Variants in N4BP2 observed in about 807,000 individuals in gnomAD.
N4BP2 encodes NEDD4 binding protein 2.
In N4BP2, 91 loss-of-function variants were observed where a neutral mutation model predicts 152.8. That is an observed-to-expected ratio of 0.60 (90% CI 0.50 to 0.71). N4BP2 has a LOEUF of 0.71. Ranked by LOEUF, N4BP2 falls within the 30% of genes least tolerant of loss-of-function variation. N4BP2 has a pLI of 0.00. For missense variants in N4BP2, 1,923 were observed against 2,059.1 expected (o/e 0.93, Z 1.28); for synonymous variants, 646 against 705.3 (o/e 0.92, Z 1.33).
At chr4:40,145,126 A>C (rs1347876429) in intron 16 of N4BP2, among the ~76,000 whole-genome samples, 2 of 152,188 alleles carry the variant, frequency 1.3e-5, no homozygotes, top group African/African-American at 4.8e-5. Flanking sequence ...TATTAAACTT[A>C]ATTGATATTT....
At position 40,120,822 on chromosome 4, in the gene N4BP2, G is replaced by C; in HGVS notation, c.2711G>C (p.Gly904Ala). The part of the protein sequence containing the change: ...REHRSRMPKT[G>A]LSEPNLEIGT... Reference sequence around the variant, plus strand: ...CACAGATCAAGAATGCCAAAGACTGGTTTAAGTGAGCCCAACCTAGAAATT... The same window carrying C: ...CACAGATCAAGAATGCCAAAGACTGCTTTAAGTGAGCCCAACCTAGAAATT... The change falls in exon 9 of 18, where the codon GGT (glycine) becomes GCT (alanine). Residue 904 changes from glycine to alanine, a missense_variant. Physicochemically the swap from Gly to Ala is moderately conservative, Grantham distance 60 (BLOSUM62 0). Coordinates refer to ENST00000261435, the MANE Select transcript of N4BP2 (RefSeq NM_018177.6). The C allele has an allele frequency of 6.2e-7, 1 of 1,614,134 alleles. No individual in the cohort carries two copies. Among genetic ancestry groups the C allele is most frequent in the Non-Finnish European group, 8.5e-7 (1 of 1,180,008 alleles).
At chr4:40,182,193 T>C in the N4BP2 span, among the ~76,000 whole-genome samples, 1 of 152,232 alleles carries the variant, frequency 6.6e-6, no homozygotes, top group African/African-American at 2.4e-5. Flanking sequence ...AACAGTGTTT[T>C]ACCTTGCATA....
the N4BP2 span, among the ~76,000 whole-genome samples, chr4:40,185,600 CTT>C: frequency 6.6e-6 from 1 of 151,828 alleles, no homozygotes; most frequent in African/African-American, 2.4e-5. Context: ...AGAACTTAAA[CTT>C]ATTATTTGGA....
chr4:40,105,392 C>T (rs1716166881), intron 4 of N4BP2, among the ~76,000 whole-genome samples: 1 of 146,842 alleles, frequency 6.8e-6, no homozygotes, highest in Admixed American at 6.8e-5. Context: ...GGTGTGATCT[C>T]AGCTTACTGC....
intron 1 of N4BP2, among the ~76,000 whole-genome samples, chr4:40,058,964 G>A (rs1203813755): frequency 1.3e-5 from 2 of 152,050 alleles, no homozygotes; most frequent in Admixed American, 1.3e-4. Flanking sequence ...GGGACTAGAG[G>A]CGAAAGCCAC....
the N4BP2 span, among the ~76,000 whole-genome samples, chr4:40,174,393 C>A: frequency 6.6e-6 from 1 of 151,936 alleles, no homozygotes; most frequent in Non-Finnish European, 1.5e-5. Flanking sequence ...TAGGCATATA[C>A]CCAAAGAAAA....
chr4:40,165,308 G>A, the N4BP2 span, among the ~76,000 whole-genome samples: 1 of 152,002 alleles, frequency 6.6e-6, no homozygotes, highest in Non-Finnish European at 1.5e-5. Context: ...GAGTACAGTG[G>A]CACAATCACA....
At chr4:40,097,081 A>G in intron 2 of N4BP2, 146 bp from the exon 3 acceptor site, 1 of 379,928 alleles carries the variant, frequency 2.6e-6, no homozygotes, top group Non-Finnish European at 4.8e-6. Flanking sequence ...CAAAACCTGC[A>G]TATTTTGAAG....
chr4:40,099,572 A>C (rs1715427044), intron 3 of N4BP2, among the ~76,000 whole-genome samples: 1 of 152,116 alleles, frequency 6.6e-6, no homozygotes, highest in Non-Finnish European at 1.5e-5. Context: ...TTTTAATAGG[A>C]ATAAAATTGC....
At chr4:40,179,268 G>A in the N4BP2 span, among the ~76,000 whole-genome samples, 2 of 152,230 alleles carry the variant, frequency 1.3e-5, no homozygotes, top group Admixed American at 1.3e-4. Context: ...TACTTGGGAG[G>A]CTGAGGCAGG....
intron 4 of N4BP2, 152 bp from the exon 5 acceptor site, chr4:40,106,748 C>T: frequency 1.6e-6 from 1 of 622,362 alleles, no homozygotes; most frequent in Non-Finnish European, 2.7e-6. Context: ...GGGATTTCAC[C>T]ATGTTGGCCA....
the N4BP2 span, among the ~76,000 whole-genome samples, chr4:40,169,672 A>C: frequency 1.3e-5 from 2 of 150,948 alleles, no homozygotes; most frequent in Non-Finnish European, 3.0e-5. Flanking sequence ...AAAAAAAAAC[A>C]AAAAAAAGGA....
chr4:40,179,998 A>T, the N4BP2 span, among the ~76,000 whole-genome samples: 1 of 152,080 alleles, frequency 6.6e-6, no homozygotes, highest in Non-Finnish European at 1.5e-5. Flanking sequence ...TCCTGACCTC[A>T]GGTGATCCGC....
At chr4:40,089,627 GGGTTTCGCCATGTTGGCCAGGCT>G (rs1443808985) in intron 2 of N4BP2, among the ~76,000 whole-genome samples, 1 of 151,754 alleles carries the variant, frequency 6.6e-6, no homozygotes, top group Non-Finnish European at 1.5e-5. Context: ...AGTAGAGACG[GGGTTTCGCCATGTTGGCCAGGCT>G]GGTCTTGAAC....
chr4:40,155,055 C>T lies in N4BP2; in HGVS notation c.*818C>T, dbSNP rs572782889. The T allele has an allele frequency of 7.9e-5, 12 of 152,280 alleles. No homozygotes were observed. The highest frequency in any genetic ancestry group is 2.1e-4 in the South Asian group (1 of 4,824). 9.4% of individuals were successfully genotyped at this position (152,280 alleles called of 1,614,324 possible). On this transcript the variant is annotated 3_prime_UTR_variant, in exon 18 of 18. Coordinates refer to ENST00000261435, the MANE Select transcript of N4BP2 (RefSeq NM_018177.6). Reference sequence around the variant, plus strand: ...ATTTTTGAGGCATGTAATTTTAAAACTGCAGTAGGTTAAAATTCTATTAAA... The same window carrying T: ...ATTTTTGAGGCATGTAATTTTAAAATTGCAGTAGGTTAAAATTCTATTAAA...
intron 1 of N4BP2, among the ~76,000 whole-genome samples, chr4:40,071,346 T>G (rs1194788290): frequency 6.6e-6 from 1 of 152,194 alleles, no homozygotes; most frequent in Non-Finnish European, 1.5e-5. Flanking sequence ...TAGACTTAGG[T>G]TAAACAGTTT....
chr4:40,154,260 G>A lies in N4BP2; in HGVS notation c.*23G>A. On this transcript the variant is annotated 3_prime_UTR_variant, in exon 18 of 18. Transcript: ENST00000261435. Reference sequence around the variant, plus strand: ...TAAAATAAACATCCTTGAATTAGAAGTATGAAGGTTTGTAGGTTAAAATTA... The same window carrying A: ...TAAAATAAACATCCTTGAATTAGAAATATGAAGGTTTGTAGGTTAAAATTA... 3 of 1,547,572 alleles carry A rather than the reference G, an allele frequency of 1.9e-6. No homozygotes were observed. Among genetic ancestry groups the A allele is most frequent in the Non-Finnish European group, 2.6e-6 (3 of 1,132,176 alleles).
intron 16 of N4BP2, among the ~76,000 whole-genome samples, chr4:40,149,676 CGAG>C (rs1253760839): frequency 6.6e-6 from 1 of 151,908 alleles, no homozygotes; most frequent in Non-Finnish European, 1.5e-5. Context: ...TGGCGGATCA[CGAG>C]GTCAGGAGAT....
At chr4:40,108,995 T>C (rs1466831115) in intron 5 of N4BP2, among the ~76,000 whole-genome samples, 1 of 151,886 alleles carries the variant, frequency 6.6e-6, no homozygotes, top group Admixed American at 6.6e-5. Context: ...TTTTGTATTT[T>C]TAGTAGAGAC....
Sources: gnomAD v4.1 joint callset for allele counts (sites outside exome capture counted in the v4.1 genomes callset) on GRCh38, gnomAD v4.1.1 for gene constraint, MANE v1.5 for transcripts, NCBI Gene and HGNC (gene_info 2026-07-23, HGNC 2026-07-21) for gene names.